Variants in NCOR1 observed in about 807,000 individuals in gnomAD.
The protein encoded by NCOR1 is nuclear receptor corepressor 1.
NCOR1 carries 63 observed loss-of-function variants against 288.1 expected under a neutral mutation model. That is an observed-to-expected ratio of 0.22 (90% CI 0.18 to 0.27). The LOEUF (loss-of-function observed/expected upper bound fraction) is 0.27. Ranked by LOEUF, NCOR1 falls within the 10% of genes least tolerant of loss-of-function variation. NCOR1 has a pLI of 1.00. For missense variants in NCOR1, 2,397 were observed against 3,019.2 expected (o/e 0.79, Z 4.83); for synonymous variants, 1,007 against 1,065.9 (o/e 0.94, Z 1.08).
intron 1 of NCOR1, among the ~76,000 whole-genome samples, chr17:16,199,204 GAAAA>G (rs71353779): frequency 6.0e-5 from 6 of 99,854 alleles, no homozygotes; most frequent in African/African-American, 2.2e-4. Flanking sequence ...AATACAGAAG[GAAAA>G]AAAAAAAAAC....
chr17:16,040,983 C>T (rs1373740956), intron 42 of NCOR1: 1 of 157,594 alleles, frequency 6.3e-6, no homozygotes, highest in Non-Finnish European at 1.4e-5. Flanking sequence ...GAACAGGAAC[C>T]AAGGCTTTCT....
intron 22 of NCOR1, among the ~76,000 whole-genome samples, chr17:16,090,865 G>A (rs1209565120): frequency 2.6e-5 from 4 of 152,144 alleles, no homozygotes; most frequent in African/African-American, 9.7e-5. Context: ...GGAATGCATG[G>A]CATTGTAAAG....
At chr17:16,171,268 T>C (rs2083099111) in intron 4 of NCOR1, among the ~76,000 whole-genome samples, 1 of 152,174 alleles carries the variant, frequency 6.6e-6, no homozygotes, top group African/African-American at 2.4e-5. Context: ...TATCTCCAAG[T>C]TACAGGATTA....
At chr17:16,075,356 T>G (rs1304219167) in intron 27 of NCOR1, among the ~76,000 whole-genome samples, 178 bp downstream of exon 27, 1 of 152,194 alleles carries the variant, frequency 6.6e-6, no homozygotes, top group Non-Finnish European at 1.5e-5. Flanking sequence ...TTTTATCGAC[T>G]AAGCTGTTAT....
intron 1 of NCOR1, among the ~76,000 whole-genome samples, chr17:16,213,351 G>A (rs2092305558): frequency 6.6e-6 from 1 of 151,936 alleles, no homozygotes; most frequent in African/African-American, 2.4e-5. Flanking sequence ...AAATTAGCCA[G>A]GCATGGTGGC....
rs776976570 is a variant in NCOR1, at chr17:16,086,361, G to A, written c.3098C>T (p.Pro1033Leu). ...RLPTTRPTRP[P>L]PPLIPSSKTT... is the part of the protein sequence containing the mutation. Reference sequence around the variant, plus strand: ...TTTGGATGACGGGATGAGAGGGGGCGGTGGCCTGGTTGGTCGAGTTGTCGG... The same window carrying A: ...TTTGGATGACGGGATGAGAGGGGGCAGTGGCCTGGTTGGTCGAGTTGTCGG... The change falls in exon 23 of 46, where the codon CCG becomes CTG. Residue 1033 changes from proline (P) to leucine (L), a missense_variant. Physicochemically the swap from Pro to Leu is moderately conservative, Grantham distance 98. Coordinates refer to ENST00000268712, the MANE Select transcript of NCOR1 (RefSeq NM_006311.4). 5 of 1,614,056 alleles carry A rather than the reference G, an allele frequency of 3.1e-6. No homozygotes were observed. The highest frequency in any genetic ancestry group is 4.2e-6 in the Non-Finnish European group (5 of 1,179,942).
rs2064356183 is a variant in NCOR1, at chr17:16,087,081, G to C, written c.3017-639C>G. ...TCTGAAACAGCAAGGACACGTCCTGGAAGAGCAGTTCATTCACGAGATTAA... is the reference window on the plus strand; with the variant it reads ...TCTGAAACAGCAAGGACACGTCCTGCAAGAGCAGTTCATTCACGAGATTAA... On this transcript the variant is annotated intron_variant, in intron 22 of 45. Transcript: ENST00000268712. The C allele has an allele frequency of 3.2e-6, 3 of 938,270 alleles. No individual in the cohort carries two copies. The South Asian group carries it at 4.7e-5, about 15-fold the overall frequency. The allele number at this position is 938,270 out of a possible 1,614,324, so 58.1% of individuals were successfully genotyped here.
chr17:16,131,243 T>G (rs1348280528), intron 14 of NCOR1, among the ~76,000 whole-genome samples: 1 of 148,516 alleles, frequency 6.7e-6, no homozygotes, highest in East Asian at 2.0e-4. Flanking sequence ...CAGGCTGGTC[T>G]CAAACCTCCC....
intron 11 of NCOR1, among the ~76,000 whole-genome samples, chr17:16,142,987 T>C (rs571237521): frequency 1.3e-5 from 2 of 152,188 alleles, no homozygotes; most frequent in Non-Finnish European, 2.9e-5. Flanking sequence ...CTCCTCCATA[T>C]ATAAACTTAA....
intron 20 of NCOR1, chr17:16,098,822 G>T (rs745345074): frequency 1.0e-4 from 17 of 170,828 alleles, no homozygotes; most frequent in Middle Eastern, 2.7e-3. Context: ...AAAGAAAAAA[G>T]AAACCTAATA....
chr17:16,094,547 T>C (rs897524566), intron 21 of NCOR1, among the ~76,000 whole-genome samples: 6 of 151,952 alleles, frequency 3.9e-5, no homozygotes, highest in African/African-American at 1.5e-4. Flanking sequence ...CAAGAGTGAC[T>C]CCGGCTCCCC....
intron 15 of NCOR1, among the ~76,000 whole-genome samples, chr17:16,125,702 A>T (rs1227754590): frequency 3.4e-5 from 1 of 29,538 alleles, no homozygotes; most frequent in Non-Finnish European, 7.8e-5. Context: ...ACGCCATCAC[A>T]AAAAAAAAAA....
intron 17 of NCOR1, 113 bp from the exon 18 acceptor site, chr17:16,118,140 T>G: frequency 9.6e-7 from 1 of 1,040,376 alleles, no homozygotes; most frequent in East Asian, 2.5e-5. Context: ...ACTAGAAGTG[T>G]GCTTTCAATT....
intron 29 of NCOR1, 65 bp from the exon 30 acceptor site, chr17:16,071,730 G>A: frequency 6.9e-7 from 1 of 1,453,056 alleles, no homozygotes; most frequent in South Asian, 1.4e-5. Flanking sequence ...CCACGGAACT[G>A]TGCACTTAAA....
chr17:16,195,902 T>C (rs1197616610), intron 1 of NCOR1, among the ~76,000 whole-genome samples: 1 of 152,118 alleles, frequency 6.6e-6, no homozygotes, highest in Non-Finnish European at 1.5e-5. Context: ...ATAATTAATA[T>C]GTATTTTACA....
At chr17:16,081,670 T>C (rs1002907427) in intron 23 of NCOR1, among the ~76,000 whole-genome samples, 7 of 152,318 alleles carry the variant, frequency 4.6e-5, no homozygotes, top group African/African-American at 1.7e-4. Context: ...TTATTTGACC[T>C]GACTGGAGTG....
chr17:16,049,692 G>C (rs1409983412), intron 40 of NCOR1, among the ~76,000 whole-genome samples: 1 of 151,270 alleles, frequency 6.6e-6, no homozygotes, highest in African/African-American at 2.4e-5. Context: ...CAATTCTCCT[G>C]CCTCAGCCTC....
chr17:16,201,186 T>C (rs1600485238), intron 1 of NCOR1, among the ~76,000 whole-genome samples: 2 of 152,276 alleles, frequency 1.3e-5, no homozygotes, highest in African/African-American at 4.8e-5. Flanking sequence ...GAGAAACAAA[T>C]AGAAGCTAAA....
chr17:16,119,404 C>T lies in NCOR1; in HGVS notation c.1915+19G>A, dbSNP rs777651783. ...AAAACAAAACAAAAACCTGAGAAAC[C>T]AGAACTACTACAATTTACCTTTTTT... On this transcript the variant is annotated intron_variant, in intron 17 of 45. Transcript: ENST00000268712. 2.5e-6 allele frequency: 4 copies of T among 1,581,024 alleles called. No individual in the cohort carries two copies. The highest frequency in any genetic ancestry group is 3.5e-6 in the Non-Finnish European group (4 of 1,155,978).
Sources: gnomAD v4.1 joint callset for allele counts (sites outside exome capture counted in the v4.1 genomes callset) on GRCh38, gnomAD v4.1.1 for gene constraint, MANE v1.5 for transcripts, NCBI Gene and HGNC (gene_info 2026-07-23, HGNC 2026-07-21) for gene names.